Variants in LRRC4C observed in about 807,000 individuals in gnomAD.
The protein encoded by LRRC4C is leucine-rich repeat-containing protein 4C.
Under a neutral mutation model 33.6 loss-of-function variants are expected in LRRC4C, and 5 were observed. That is an observed-to-expected ratio of 0.15 (90% CI 0.08 to 0.31). LRRC4C has a LOEUF of 0.31. Among genes scored for constraint, LRRC4C ranks in the 10% least tolerant of loss-of-function variants. The pLI is 1.00. For missense variants in LRRC4C, 560 were observed against 796.7 expected, an observed-to-expected ratio of 0.70 and a Z score of 3.58; for synonymous variants, 329 against 302.0, an observed-to-expected ratio of 1.09 and a Z score of -0.93.
intron 1 of LRRC4C, among the ~76,000 whole-genome samples, chr11:40,996,782 G>A (rs1395167231): frequency 6.6e-6 from 1 of 152,034 alleles, no homozygotes; most frequent in African/African-American, 2.4e-5. Flanking sequence ...GAGCAAAAGA[G>A]GAGAGGGAGT....
intron 3 of LRRC4C, among the ~76,000 whole-genome samples, chr11:40,373,447 A>T (rs1948537954): frequency 6.6e-6 from 1 of 152,240 alleles, no homozygotes; most frequent in African/African-American, 2.4e-5. Context: ...TGTAGAATAT[A>T]AAATTTTTTC....
intron 3 of LRRC4C, among the ~76,000 whole-genome samples, chr11:40,440,679 A>G (rs886211185): frequency 4.6e-5 from 7 of 152,208 alleles, no homozygotes; most frequent in African/African-American, 1.7e-4. Flanking sequence ...TAATAAAGAT[A>G]TAATAAATGG....
At chr11:40,420,983 A>G (rs1203182742) in intron 3 of LRRC4C, among the ~76,000 whole-genome samples, 1 of 152,186 alleles carries the variant, frequency 6.6e-6, no homozygotes, top group Admixed American at 6.5e-5. Flanking sequence ...TCAAGCATTT[A>G]AATATGCATT....
chr11:41,308,497 A>T (rs919920225), intron 1 of LRRC4C, among the ~76,000 whole-genome samples: 1 of 152,128 alleles, frequency 6.6e-6, no homozygotes, highest in East Asian at 1.9e-4. Context: ...CTGGGTGGGG[A>T]CAGGGGCATC....
intron 1 of LRRC4C, among the ~76,000 whole-genome samples, chr11:41,448,031 A>C (rs113583845): frequency 2.8e-4 from 43 of 151,138 alleles, no homozygotes; most frequent in Admixed American, 3.3e-4. Context: ...CAAATGTGAT[A>C]ATTTGTAATG....
chr11:40,882,698 T>C (rs1222244623), intron 2 of LRRC4C, among the ~76,000 whole-genome samples: 1 of 152,136 alleles, frequency 6.6e-6, no homozygotes, highest in African/African-American at 2.4e-5. Flanking sequence ...CATTTATTGC[T>C]ATTTTAGGAC....
At chr11:41,314,695 G>A (rs60501400) in intron 1 of LRRC4C, among the ~76,000 whole-genome samples, 2,897 of 152,056 alleles carry the variant, frequency 0.019, 92 homozygotes, top group African/African-American at 0.067. Context: ...AACACCTAAT[G>A]TAAATGATGA....
At chr11:40,895,020 T>C (rs950857848) in intron 2 of LRRC4C, among the ~76,000 whole-genome samples, 1 of 152,174 alleles carries the variant, frequency 6.6e-6, no homozygotes, top group African/African-American at 2.4e-5. Context: ...GTTTATTAAT[T>C]GGCTTGATAG....
At chr11:40,523,724 CTT>C (rs1366191313) in intron 3 of LRRC4C, among the ~76,000 whole-genome samples, 8 of 151,910 alleles carry the variant, frequency 5.3e-5, no homozygotes, top group Non-Finnish European at 7.4e-5. Context: ...ATCTGGGACT[CTT>C]CTTTCTTGTC....
intron 3 of LRRC4C, among the ~76,000 whole-genome samples, chr11:40,588,605 T>G (rs573224163): frequency 1.3e-5 from 2 of 151,912 alleles, no homozygotes; most frequent in African/African-American, 4.8e-5. Flanking sequence ...CTTTCTCTTG[T>G]GGGTATTTAG....
chr11:41,135,709 G>A lies in LRRC4C; in HGVS notation c.-495-201986C>T, dbSNP rs77588782. Among the ~76,000 whole-genome samples, 1,105 of 152,250 alleles carry A rather than the reference G, an allele frequency of 7.3e-3. 9 individuals carry two copies. Among genetic ancestry groups the A allele is most frequent in the African/African-American group, 0.025 (1,033 of 41,546 alleles). ...GACATATAATAAATGCTCAATAAAA[G>A]TGACAACACTTATGCCTTCGTTCTA... is the stretch of plus-strand genomic sequence containing the variant. On this transcript the variant is annotated intron_variant, in intron 1 of 6. Transcript: ENST00000528697.
chr11:40,156,050 C>T (rs908456463), intron 5 of LRRC4C, among the ~76,000 whole-genome samples: 4 of 152,082 alleles, frequency 2.6e-5, no homozygotes, highest in African/African-American at 4.8e-5. Context: ...GTTTAACATA[C>T]GCACGTCAAT....
At chr11:40,912,352 C>G (rs955003073) in intron 2 of LRRC4C, among the ~76,000 whole-genome samples, 30 of 152,174 alleles carry the variant, frequency 2.0e-4, no homozygotes, top group African/African-American at 7.2e-4. Flanking sequence ...GATCTCTCAG[C>G]AGAAACTCTA....
chr11:40,275,854 C>CTA (rs2136390905), intron 4 of LRRC4C, among the ~76,000 whole-genome samples: 1 of 152,258 alleles, frequency 6.6e-6, no homozygotes, highest in East Asian at 1.9e-4. Flanking sequence ...AGACTATCCA[C>CTA]TATATGTAAG....
chr11:40,751,795 A>G (rs1948701589), intron 2 of LRRC4C, among the ~76,000 whole-genome samples: 1 of 152,156 alleles, frequency 6.6e-6, no homozygotes, highest in African/African-American at 2.4e-5. Context: ...CTAAATAGCC[A>G]AATCAATCTT....
intron 2 of LRRC4C, among the ~76,000 whole-genome samples, chr11:40,810,535 G>C (rs12295373): frequency 6.6e-6 from 1 of 151,944 alleles, no homozygotes; most frequent in African/African-American, 2.4e-5. Flanking sequence ...TTTTAAACAC[G>C]GTGTCTTGCA....
intron 1 of LRRC4C, among the ~76,000 whole-genome samples, chr11:41,002,274 C>T (rs929264680): frequency 2.0e-5 from 3 of 152,112 alleles, no homozygotes; most frequent in Non-Finnish European, 4.4e-5. Context: ...TTGGTGGTCC[C>T]TACCTTGCCA....
chr11:41,065,137 G>A (rs1233081980), intron 1 of LRRC4C, among the ~76,000 whole-genome samples: 1 of 152,112 alleles, frequency 6.6e-6, no homozygotes, highest in Non-Finnish European at 1.5e-5. Flanking sequence ...ATGGAGCCCA[G>A]AAAGCTAGGA....
At chr11:41,097,564 C>A (rs369445509) in intron 1 of LRRC4C, among the ~76,000 whole-genome samples, 2 of 151,984 alleles carry the variant, frequency 1.3e-5, no homozygotes, top group African/African-American at 4.8e-5. Context: ...ATGGAGAAAC[C>A]ATTGAAGAAC....
Sources: gnomAD v4.1 joint callset for allele counts (sites outside exome capture counted in the v4.1 genomes callset) on GRCh38, gnomAD v4.1.1 for gene constraint, MANE v1.5 for transcripts, NCBI Gene and HGNC (gene_info 2026-07-23, HGNC 2026-07-21) for gene names.